PPM1D: variants seen among roughly 807,000 people sequenced by gnomAD.
PPM1D encodes the protein protein phosphatase 1D.
In PPM1D, 52 loss-of-function variants were observed where a neutral mutation model predicts 58.3. That is an observed-to-expected ratio of 0.89 (90% CI 0.71 to 1.12). The LOEUF (loss-of-function observed/expected upper bound fraction) is 1.12, where lower values mean the gene tolerates loss of function less well. Among genes scored for constraint, PPM1D ranks in the 50% most tolerant of loss-of-function variants. The pLI is 0.00. For synonymous variants in PPM1D, 278 were observed against 285.1 expected, an observed-to-expected ratio of 0.98 and a Z score of 0.25; for missense variants, 564 against 777.2, an observed-to-expected ratio of 0.73 and a Z score of 3.26.
intron 1 of PPM1D, among the ~76,000 whole-genome samples, chr17:60,622,868 G>A (rs746917427): frequency 1.1e-4 from 16 of 152,164 alleles, no homozygotes; most frequent in Non-Finnish European, 1.5e-4. Context: ...AGGCCGAAGC[G>A]GGTGGATCAC....
intron 1 of PPM1D, among the ~76,000 whole-genome samples, chr17:60,608,641 C>T (rs2030383370): frequency 6.6e-6 from 1 of 152,008 alleles, no homozygotes; most frequent in Non-Finnish European, 1.5e-5. Context: ...ATAGTTAAGC[C>T]CCTTCTCTCT....
intron 2 of PPM1D, among the ~76,000 whole-genome samples, chr17:60,628,989 C>T (rs373914321): frequency 2.8e-3 from 424 of 152,218 alleles, no homozygotes; most frequent in Non-Finnish European, 4.7e-3. Context: ...TACTAGTAGC[C>T]ACTTGAATAA....
intron 3 of PPM1D, among the ~76,000 whole-genome samples, chr17:60,646,264 G>A (rs1290121412): frequency 6.6e-6 from 1 of 152,200 alleles, no homozygotes; most frequent in African/African-American, 2.4e-5. Context: ...TTTTTGAAGA[G>A]TCTGGTTAGC....
chr17:60,614,750 C>A (rs1452368027), intron 1 of PPM1D, among the ~76,000 whole-genome samples: 1 of 152,094 alleles, frequency 6.6e-6, no homozygotes, highest in East Asian at 1.9e-4. Flanking sequence ...ACGAACAACT[C>A]CAGACGCGCA....
chr17:60,654,277 T>C (rs1465243938), intron 4 of PPM1D, among the ~76,000 whole-genome samples: 2 of 145,528 alleles, frequency 1.4e-5, no homozygotes, highest in Non-Finnish European at 3.0e-5. Context: ...ATAATATGCT[T>C]TTTTTTTTTG....
intron 3 of PPM1D, among the ~76,000 whole-genome samples, chr17:60,636,033 ACT>A (rs2143679239): frequency 6.6e-6 from 1 of 152,302 alleles, no homozygotes; most frequent in South Asian, 2.1e-4. Flanking sequence ...AAGACAGCTC[ACT>A]GAGTAACCTG....
chr17:60,638,995 G>T (rs1320724937), intron 3 of PPM1D, among the ~76,000 whole-genome samples: 2 of 152,124 alleles, frequency 1.3e-5, no homozygotes, highest in Non-Finnish European at 2.9e-5. Context: ...GATAATTTTT[G>T]AGTATAGTGT....
At chr17:60,601,841 A>ATTATAATTGCT (rs1416786389) in intron 1 of PPM1D, among the ~76,000 whole-genome samples, 1 of 152,208 alleles carries the variant, frequency 6.6e-6, no homozygotes, top group Non-Finnish European at 1.5e-5. Context: ...ATCTTACAGC[A>ATTATAATTGCT]TTATAATTGC....
chr17:60,620,778 G>T (rs1387805187), intron 1 of PPM1D, among the ~76,000 whole-genome samples: 2 of 152,148 alleles, frequency 1.3e-5, no homozygotes, highest in Non-Finnish European at 2.9e-5. Flanking sequence ...AAAGTGCTGG[G>T]ATTACAGGCA....
chr17:60,600,631 C>G lies in PPM1D; in HGVS notation c.217C>G (p.Arg73Gly), dbSNP rs537959194. 19 of 1,556,564 alleles carry G rather than the reference C, an allele frequency of 1.2e-5. No homozygotes were observed. The East Asian group carries it at 1.9e-4, about 16-fold the overall frequency. The change falls in exon 1 of 6, where the codon CGA becomes GGA. Residue 73 changes from arginine (R) to glycine (G), a missense_variant. Physicochemically the swap from Arg to Gly is moderately radical, Grantham distance 125 (BLOSUM62 -2). Transcript: ENST00000305921. Reference sequence around the variant, plus strand: ...GGGGAAAGGCCCAGCGGTGGCAGCCCGAGAGGCTCGCGACCCTCTCCCGGA... The same window carrying G: ...GGGGAAAGGCCCAGCGGTGGCAGCCGGAGAGGCTCGCGACCCTCTCCCGGA... ...VSGKGPAVAA[R>G]EARDPLPDAG... is the part of the protein sequence containing the mutation.
chr17:60,632,318 A>G (rs1406266044), intron 2 of PPM1D, among the ~76,000 whole-genome samples: 2 of 152,168 alleles, frequency 1.3e-5, no homozygotes, highest in Non-Finnish European at 2.9e-5. Context: ...CAGCTGATCT[A>G]TTTCACAAAG....
At chr17:60,660,939 C>T (rs773824597) in intron 5 of PPM1D, among the ~76,000 whole-genome samples, 1 of 151,942 alleles carries the variant, frequency 6.6e-6, no homozygotes, top group Non-Finnish European at 1.5e-5. Context: ...TCAGGCTGGG[C>T]GCAGTGGCTC....
intron 5 of PPM1D, among the ~76,000 whole-genome samples, chr17:60,658,268 A>T (rs147429712): frequency 6.6e-6 from 1 of 152,342 alleles, no homozygotes; most frequent in African/African-American, 2.4e-5. Context: ...TGTGAGGAAC[A>T]AAAGGGCATT....
intron 3 of PPM1D, among the ~76,000 whole-genome samples, chr17:60,645,318 C>A (rs2031212523): frequency 6.6e-6 from 1 of 151,846 alleles, no homozygotes; most frequent in South Asian, 2.1e-4. Context: ...CGTGCCATTG[C>A]ACTCCAGCCT....
chr17:60,617,218 A>G lies in PPM1D; in HGVS notation c.473-6303A>G, dbSNP rs527319809. Among the ~76,000 whole-genome samples, 9 of 150,024 alleles carry G rather than the reference A, an allele frequency of 6.0e-5. No homozygotes were observed. In the South Asian group the frequency reaches 1.9e-3, roughly 32 times the overall value. On this transcript the variant is annotated intron_variant, in intron 1 of 5. Transcript: ENST00000305921. ...AGTGGTCCTCCTGCCTTGGCCTCCC[A>G]AAGCACTGTGAATGTAGGCATGAGC...
At chr17:60,616,613 A>C (rs1012554038) in intron 1 of PPM1D, among the ~76,000 whole-genome samples, 2 of 152,188 alleles carry the variant, frequency 1.3e-5, no homozygotes, top group Middle Eastern at 6.3e-3. Context: ...GTCTCAAAAA[A>C]AGAAAAAGAA....
At chr17:60,615,940 C>T (rs1268135272) in intron 1 of PPM1D, among the ~76,000 whole-genome samples, 1 of 152,136 alleles carries the variant, frequency 6.6e-6, no homozygotes, top group Non-Finnish European at 1.5e-5. Flanking sequence ...ATCCTCCTGC[C>T]TCAGCCTCAC....
intron 1 of PPM1D, among the ~76,000 whole-genome samples, chr17:60,610,784 TGTACTA>T (rs1388197303): frequency 2.6e-5 from 4 of 152,218 alleles, no homozygotes; most frequent in African/African-American, 9.6e-5. Flanking sequence ...CCTGCTCTAG[TGTACTA>T]GGGGAACAAT....
At chr17:60,657,707 T>C (rs751000477) in intron 5 of PPM1D, among the ~76,000 whole-genome samples, 5 of 152,160 alleles carry the variant, frequency 3.3e-5, no homozygotes, top group African/African-American at 4.8e-5. Context: ...AAACCACATA[T>C]GGCCAGATAC....
Sources: gnomAD v4.1 joint callset for allele counts (sites outside exome capture counted in the v4.1 genomes callset) on GRCh38, gnomAD v4.1.1 for gene constraint, MANE v1.5 for transcripts, NCBI Gene and HGNC (gene_info 2026-07-23, HGNC 2026-07-21) for gene names.